SLC28A1: variants seen among roughly 807,000 people sequenced by gnomAD.
The protein encoded by SLC28A1 is sodium/nucleoside cotransporter 1.
SLC28A1 carries 64 observed loss-of-function variants against 74.8 expected under a neutral mutation model. That is an observed-to-expected ratio of 0.86 (90% CI 0.70 to 1.05). The LOEUF is 1.05. SLC28A1 is among the 50% of genes least tolerant of loss of function. The pLI is 0.00. For missense variants in SLC28A1, 828 were observed against 822.8 expected (o/e 1.01, Z -0.08); for synonymous variants, 359 against 335.0 (o/e 1.07, Z -0.78).
At chr15:84,916,045 C>A (rs1418118460) in intron 9 of SLC28A1, among the ~76,000 whole-genome samples, 1 of 151,866 alleles carries the variant, frequency 6.6e-6, no homozygotes, top group Non-Finnish European at 1.5e-5. Context: ...TCACTGCAAC[C>A]TCTGCCTCCC....
In SLC28A1 at chr15:84,943,529, G is replaced by A. The variant is rs748699056; in HGVS notation, c.1663+3G>A. The A allele has an allele frequency of 6.2e-6, 10 of 1,611,612 alleles. No individual in the cohort carries two copies. Among genetic ancestry groups the A allele is most frequent in the Non-Finnish European group, 8.5e-6 (10 of 1,177,646 alleles). On this transcript the variant is annotated splice_donor_region_variant and intron_variant, in intron 16 of 18. Transcript: ENST00000394573. The stretch of plus-strand genomic sequence containing the variant: ...TGGGATCATGCTGGGAGGCTTGAGT[G>A]AGTCTAATCAGGGCCTCACCAGTGT...
intron 9 of SLC28A1, among the ~76,000 whole-genome samples, chr15:84,912,559 A>G (rs1053848226): frequency 6.6e-6 from 1 of 151,958 alleles, no homozygotes; most frequent in African/African-American, 2.4e-5. Flanking sequence ...TCTCCCTTCT[A>G]GTAACTTTCC....
chr15:84,938,200 C>CA (rs34641275), intron 15 of SLC28A1, among the ~76,000 whole-genome samples: 114,374 of 129,112 alleles, frequency 0.89, 50,581 homozygotes, highest in East Asian at 0.95. Context: ...AACTCCATCT[C>CA]AAAAAAAAAA....
Position 84,933,295 on chromosome 15 carries a change from C to T in SLC28A1, c.1214+20C>T, listed in dbSNP as rs1392480174. On this transcript the variant is annotated intron_variant, in intron 13 of 18. Transcript: ENST00000394573. ...CTATGGGTGAGCACAGCAGGAGGTC[C>T]TGCAGACAGGGTAGTGGTACAAGGT... The T allele has an allele frequency of 1.2e-6, 2 of 1,610,948 alleles. No individual in the cohort carries two copies. The highest frequency in any genetic ancestry group is 1.3e-5 in the African/African-American group (1 of 74,958).
downstream of SLC28A1, among the ~76,000 whole-genome samples, chr15:84,946,112 A>ATATATATTTT (rs57190791): frequency 1.4e-3 from 19 of 13,472 alleles, 1 homozygote; most frequent in East Asian, 0.026. Flanking sequence ...ATATATATAT[A>ATATATATTTT]TTTTTTTTTT....
the SLC28A1 span, among the ~76,000 whole-genome samples, chr15:84,958,245 G>A: frequency 6.6e-6 from 1 of 152,096 alleles, no homozygotes; most frequent in African/African-American, 2.4e-5. Context: ...TTCCCGAGAT[G>A]TTCCTTCTGG....
chr15:84,908,635 C>G, intron 8 of SLC28A1, 83 bp from the exon 9 acceptor site: 19 of 1,225,550 alleles, frequency 1.6e-5, no homozygotes, highest in South Asian at 6.1e-5. Context: ...TGGGCCAACC[C>G]GCCTGTCTCT....
chr15:84,918,539 G>A lies in SLC28A1; in HGVS notation c.811G>A (p.Val271Ile), dbSNP rs1969413065. 1 of 1,613,892 alleles carries A rather than the reference G, an allele frequency of 6.2e-7. No homozygotes were observed. The highest frequency in any genetic ancestry group is 8.5e-7 in the Non-Finnish European group (1 of 1,179,846). ...TTCCCGGCAGGTTCTGCCCATCATT[G>A]TCTTTTTCAGCTGTGTCATATCCGT... ...VFAFQVLPII[V>I]FFSCVISVLY... The change falls in exon 10 of 19, where the codon GTC (valine) becomes ATC (isoleucine). Residue 271 changes from valine to isoleucine, a missense_variant. This residue lies in a region of SLC28A1 where 767 missense variants were observed against 753.5 expected (regional missense o/e 1.02). Coordinates refer to ENST00000394573, the MANE Select transcript of SLC28A1 (RefSeq NM_004213.5).
In SLC28A1 at chr15:84,938,200, C is replaced by CAAA. The variant is rs34641275; in HGVS notation, c.1581+2696_1581+2698dup. Among the ~76,000 whole-genome samples, 222 of 129,130 alleles carry CAAA rather than the reference C, an allele frequency of 1.7e-3. 1 individual carries two copies. The highest frequency in any genetic ancestry group is 5.8e-3 in the African/African-American group (198 of 34,162). The allele number at this position is 129,130 out of a possible 152,430, so 84.7% of individuals were successfully genotyped here. On this transcript the variant is annotated intron_variant, in intron 15 of 18. Transcript: ENST00000394573. Reference sequence around the variant, plus strand: ...GGGCAACAAGAGTGAAACTCCATCTCAAAAAAAAAAAAAAAAGGTTTCTAT... The same window carrying CAAA: ...GGGCAACAAGAGTGAAACTCCATCTCAAAAAAAAAAAAAAAAAAAGGTTTCTAT...
At chr15:84,946,107 TA>T (rs1482036104), downstream of SLC28A1, among the ~76,000 whole-genome samples, 3 of 43,254 alleles carry the variant, frequency 6.9e-5, no homozygotes, top group East Asian at 8.7e-4. Flanking sequence ...TATATATATA[TA>T]TATATTTTTT....
chr15:84,904,063 C>G (rs1966853119), intron 6 of SLC28A1, 34 bp from the exon 7 acceptor site: 2 of 1,613,928 alleles, frequency 1.2e-6, no homozygotes, highest in African/African-American at 2.7e-5. Flanking sequence ...GGGTGCAATG[C>G]TGAGGGTAAT....
downstream of SLC28A1, among the ~76,000 whole-genome samples, chr15:84,949,565 ATTTTTTTTTTTTTTT>A (rs11318236): frequency 5.8e-5 from 6 of 103,884 alleles, no homozygotes; most frequent in African/African-American, 1.9e-4. Context: ...TGCCCGGCTA[ATTTTTTTTTTTTTTT>A]TTTTTTTTAG....
At chr15:84,893,813 CCT>C (rs1222351213) in intron 5 of SLC28A1, among the ~76,000 whole-genome samples, 1 of 152,198 alleles carries the variant, frequency 6.6e-6, no homozygotes, top group Non-Finnish European at 1.5e-5. Context: ...CACGGGCATT[CCT>C]CTCTCTGCAG....
chr15:84,890,393 C>T (rs1478939366), intron 4 of SLC28A1, 50 bp from the exon 5 acceptor site: 2 of 1,352,494 alleles, frequency 1.5e-6, no homozygotes, highest in African/African-American at 2.9e-5. Context: ...GGATCTCCCC[C>T]AGATGGGGTC....
At chr15:84,898,439 C>A (rs753439733) in intron 6 of SLC28A1, among the ~76,000 whole-genome samples, 1 of 151,900 alleles carries the variant, frequency 6.6e-6, no homozygotes, top group South Asian at 2.1e-4. Flanking sequence ...ATTAGCCAGG[C>A]GTGGTGGCGG....
chr15:84,893,210 G>A (rs1299797411), intron 5 of SLC28A1, among the ~76,000 whole-genome samples: 1 of 152,160 alleles, frequency 6.6e-6, no homozygotes. Flanking sequence ...CTCCAAGTGG[G>A]CATCACTGTA....
Position 84,906,749 on chromosome 15 carries a change from C to A in SLC28A1, c.717+1097C>A, listed in dbSNP as rs1315190052. ...TCTCACCTTGAGCCACGGTGCCCAGCCAATTCTGTTTTTTATTTTGGTAAA... is the reference window on the plus strand; with the variant it reads ...TCTCACCTTGAGCCACGGTGCCCAGACAATTCTGTTTTTTATTTTGGTAAA... On this transcript the variant is annotated intron_variant, in intron 8 of 18. Coordinates refer to ENST00000394573, the MANE Select transcript of SLC28A1 (RefSeq NM_004213.5). Among the ~76,000 whole-genome samples the A allele has an allele frequency of 4.6e-5, 7 of 151,744 alleles. No homozygotes were observed. The East Asian group carries it at 9.7e-4, about 21-fold the overall frequency.
intron 15 of SLC28A1, among the ~76,000 whole-genome samples, chr15:84,938,850 G>A (rs1261151322): frequency 5.3e-5 from 8 of 152,290 alleles, no homozygotes; most frequent in Non-Finnish European, 1.0e-4. Flanking sequence ...GAACGGATGA[G>A]CTAGGACAAG....
At chr15:84,928,632 C>T (rs751028032) in intron 12 of SLC28A1, among the ~76,000 whole-genome samples, 21 of 2,970 alleles carry the variant, frequency 7.1e-3, no homozygotes, top group African/African-American at 0.012. Context: ...TTCTTTCTTT[C>T]TTTTTTTTTG....
Sources: allele counts gnomAD v4.1 joint callset (sites outside exome capture counted in the v4.1 genomes callset), GRCh38; gene constraint gnomAD v4.1.1; regional missense constraint gnomAD v4.1.1; transcripts MANE v1.5; gene names NCBI Gene and HGNC (gene_info 2026-07-23, HGNC 2026-07-21).